Variants in SIGIRR observed in about 807,000 individuals in gnomAD.
SIGIRR encodes single Ig and TIR domain containing.
Under a neutral mutation model 45.6 loss-of-function variants are expected in SIGIRR, and 41 were observed. That is an observed-to-expected ratio of 0.90 (90% CI 0.70 to 1.17). The LOEUF (loss-of-function observed/expected upper bound fraction) is 1.17, where lower values mean the gene tolerates loss of function less well. Among genes scored for constraint, SIGIRR ranks in the 50% most tolerant of loss-of-function variants. The probability of loss-of-function intolerance (pLI) is 0.00; values close to 1 mark genes in which losing one functional copy is unlikely to be tolerated. For synonymous variants in SIGIRR, 298 were observed against 239.0 expected (o/e 1.25, Z -2.28); for missense variants, 599 against 539.6 (o/e 1.11, Z -1.09).
In SIGIRR at chr11:408,862, G is replaced by T. The variant is rs1192836789; in HGVS notation, c.39C>A (p.Ser13=). 6.2e-7 allele frequency: 1 copy of T among 1,612,744 alleles called. No individual in the cohort carries two copies. The highest frequency in any genetic ancestry group is 8.5e-7 in the Non-Finnish European group (1 of 1,179,968). The change falls in exon 3 of 10, where the codon TCC becomes TCA. Residue 13 remains serine, a synonymous_variant. Transcript: ENST00000431843. ...GVCDRAPDFL[S]PSEDQVLRPA... ...GCCTCAGCACCTGGTCTTCAGACGG[G>T]GAGAGGAAGTCAGGGGCCCTATCAC...
intron 1 of SIGIRR, among the ~76,000 whole-genome samples, chr11:413,168 C>T (rs759273038): frequency 2.6e-5 from 4 of 152,160 alleles, no homozygotes; most frequent in Non-Finnish European, 4.4e-5. Context: ...GATTCCTCCC[C>T]GCTAAGGCCC....
chr11:407,870 C>T lies in SIGIRR; in HGVS notation c.428G>A (p.Arg143His), dbSNP rs187808886. 5 of 1,612,584 alleles carry T rather than the reference C, an allele frequency of 3.1e-6. No homozygotes were observed. Among genetic ancestry groups the T allele is most frequent in the East Asian group, 2.2e-5 (1 of 44,878 alleles). ...CTGGTACCAGAGCAGCACGTTGAGA[C>T]GGCACTTGACATAGAGCAGGGCGGC... ...LLAALLYVKC[R>H]LNVLLWYQDA... Residue 143 changes from arginine to histidine, a missense_variant, in exon 5 of 10, where the codon CGT becomes CAT. Transcript: ENST00000431843.
Position 409,978 on chromosome 11 carries a change from C to T in SIGIRR, c.-104G>A, listed in dbSNP as rs1847512548. On this transcript the variant is annotated 5_prime_UTR_variant, in exon 2 of 10. Coordinates refer to ENST00000431843, the MANE Select transcript of SIGIRR (RefSeq NM_001135054.2). ...ACTGATCCAAGAGCTGGGCAGGACT[C>T]CTCTCTGTCCTTGCAGTCAGCTGGA... 8.0e-7 allele frequency: 1 copy of T among 1,249,690 alleles called. No individual in the cohort carries two copies. The highest frequency in any genetic ancestry group is 1.0e-6 in the Non-Finnish European group (1 of 995,332). 77.4% of individuals were successfully genotyped at this position (1,249,690 alleles called of 1,614,324 possible). A position where few individuals can be genotyped will look rare whatever the true frequency, so the allele number is the denominator to read the frequency against.
intron 2 of SIGIRR, 109 bp downstream of exon 2, chr11:409,759 G>C: frequency 2.5e-6 from 3 of 1,218,000 alleles, no homozygotes; most frequent in Non-Finnish European, 3.2e-6. Context: ...CCCGGCATGT[G>C]GCCAGGCAGA....
Position 407,965 on chromosome 11 carries a change from T to C in SIGIRR, c.341-8A>G. 6.2e-7 allele frequency: 1 copy of C among 1,603,832 alleles called. No individual in the cohort carries two copies. Among genetic ancestry groups the C allele is most frequent in the Non-Finnish European group, 8.5e-7 (1 of 1,174,474 alleles). ...CCACGTGGCTTGTAGGGCCTGCGGA[T>C]GGGTTGCCTGAGCCGCTGCCCCTCC... On this transcript the variant is annotated splice_region_variant and splice_polypyrimidine_tract_variant and intron_variant, in intron 4 of 9. Transcript: ENST00000431843.
chr11:409,698 G>C, intron 2 of SIGIRR, 170 bp downstream of exon 2: 1 of 652,292 alleles, frequency 1.5e-6, no homozygotes, highest in South Asian at 4.3e-5. Context: ...CACTCGCCCT[G>C]GTTTCAGGGC....
intron 2 of SIGIRR, chr11:409,269 G>A (rs1185673998): frequency 2.4e-6 from 1 of 413,278 alleles, no homozygotes; most frequent in Middle Eastern, 3.5e-4. Context: ...GAGGGGCCGG[G>A]CACTGCACCC....
At chr11:406,806 G>A (rs990885865) in intron 8 of SIGIRR, 37 bp downstream of exon 8, 65 of 1,480,384 alleles carry the variant, frequency 4.4e-5, no homozygotes, top group Non-Finnish European at 5.6e-5. Flanking sequence ...TCTCTAACCC[G>A]CCGCTAGCCC....
intron 1 of SIGIRR, 110 bp downstream of exon 1, chr11:414,713 C>G: frequency 1.3e-6 from 1 of 744,576 alleles, no homozygotes; most frequent in Non-Finnish European, 1.6e-6. Flanking sequence ...GCCCCTCGCT[C>G]TGTCTCACAC....
At position 405,840 on chromosome 11, in the gene SIGIRR, C is replaced by G; in HGVS notation, c.*56G>C. 2 of 1,528,188 alleles carry G rather than the reference C, an allele frequency of 1.3e-6. No homozygotes were observed. The highest frequency in any genetic ancestry group is 3.9e-5 in the Admixed American group (2 of 51,828). The allele number at this position is 1,528,188 out of a possible 1,614,324, so 94.7% of individuals were successfully genotyped here. ...GTTGTGGTCCTGTTGAGCAGAGGAG[C>G]GACGCCGCTGCCCTGGCCCCCGCTG... On this transcript the variant is annotated 3_prime_UTR_variant, in exon 10 of 10. Coordinates refer to ENST00000431843, the MANE Select transcript of SIGIRR (RefSeq NM_001135054.2).
chr11:417,308 T>G (rs963493415), upstream of SIGIRR: 2 of 152,162 alleles, frequency 1.3e-5, no homozygotes, highest in Non-Finnish European at 2.9e-5. This position sits in a 1 kb window ranked among gnomAD's most constrained non-coding sequence, Gnocchi z 4.2. Flanking sequence ...GCGGGTCTGA[T>G]GGCGACCGCC....
At chr11:410,383 ACTGCAGGGGGTG>A (rs1847531149) in intron 1 of SIGIRR, among the ~76,000 whole-genome samples, 1 of 152,116 alleles carries the variant, frequency 6.6e-6, no homozygotes, top group Non-Finnish European at 1.5e-5. Context: ...CAGAGCTGCC[ACTGCAGGGGGTG>A]CTGCAGTGCC....
Position 406,343 on chromosome 11 carries a change from G to A in SIGIRR, c.1069+6C>T. The A allele has an allele frequency of 1.2e-6, 2 of 1,611,824 alleles. No individual in the cohort carries two copies. Among genetic ancestry groups the A allele is most frequent in the African/African-American group, 1.3e-5 (1 of 75,042 alleles). ...CCAGTTGGGGAGTGGGGCTGGGCGG[G>A]CATACCCAGGTCGCCCTCAGGGTCC... On this transcript the variant is annotated splice_donor_region_variant and intron_variant, in intron 9 of 9. Transcript: ENST00000431843.
At chr11:413,043 G>T (rs1007499209) in intron 1 of SIGIRR, among the ~76,000 whole-genome samples, 2 of 152,110 alleles carry the variant, frequency 1.3e-5, no homozygotes, top group Non-Finnish European at 2.9e-5. Flanking sequence ...ATGCCACAGG[G>T]TCACCCTGTT....
chr11:411,434 AGG>A (rs1847617143), intron 1 of SIGIRR, among the ~76,000 whole-genome samples: 1 of 2,952 alleles, frequency 3.4e-4, no homozygotes, highest in African/African-American at 2.9e-3. Flanking sequence ...ACAGTCGGGG[AGG>A]GGGGTGCCCA....
Position 406,866 on chromosome 11 carries a change from G to T in SIGIRR, c.856C>A (p.Leu286Met), listed in dbSNP as rs1847334390. 4.4e-6 allele frequency: 7 copies of T among 1,575,500 alleles called. No homozygotes were observed. The highest frequency in any genetic ancestry group is 6.0e-6 in the Non-Finnish European group (7 of 1,167,350). The change falls in exon 8 of 10, where the codon CTG (leucine) becomes ATG (methionine). Residue 286 changes from leucine to methionine, a missense_variant. Leu to Met is a conservative substitution (Grantham distance 15). Coordinates refer to ENST00000431843, the MANE Select transcript of SIGIRR (RefSeq NM_001135054.2). ...LRQHRHLVTL[L>M]LWRPGSVTPS... ...ACCACGGAGCCGGGCCTCCAGAGCAGCAAGGTCACCAGGTGGCGGTGCTGG... is the reference window on the plus strand; with the variant it reads ...ACCACGGAGCCGGGCCTCCAGAGCATCAAGGTCACCAGGTGGCGGTGCTGG...
At chr11:415,148 G>A (rs1290809748), upstream of SIGIRR, 3 of 151,972 alleles carry the variant, frequency 2.0e-5, no homozygotes, top group Non-Finnish European at 4.4e-5. The surrounding 1 kb of genome is among the most constrained non-coding windows in gnomAD (Gnocchi z 6.6). Context: ...TGAGTCAAGC[G>A]GCTCCTTCCT....
chr11:408,002 A>G lies in SIGIRR; in HGVS notation c.341-45T>C, dbSNP rs1184161978. 10 of 1,603,798 alleles carry G rather than the reference A, an allele frequency of 6.2e-6. No homozygotes were observed. In the Admixed American group the frequency reaches 1.3e-4, roughly 22 times the overall value. On this transcript the variant is annotated intron_variant, in intron 4 of 9. Transcript: ENST00000431843. The stretch of plus-strand genomic sequence containing the variant: ...GCCGCTGCCCCTCCAGCAGCCCCCA[A>G]GCCTCAAGATCCCTGGGCCTCACTA...
chr11:408,599 G>T, intron 3 of SIGIRR, 96 bp downstream of exon 3: 1 of 1,400,902 alleles, frequency 7.1e-7, no homozygotes, highest in Non-Finnish European at 1.0e-6. Context: ...TGACATGTCT[G>T]GCCAGGTGGT....
Sources: allele counts gnomAD v4.1 joint callset (sites outside exome capture counted in the v4.1 genomes callset), GRCh38; gene constraint gnomAD v4.1.1; non-coding constraint Gnocchi (gnomAD v3.1); transcripts MANE v1.5; gene names NCBI Gene and HGNC (gene_info 2026-07-23, HGNC 2026-07-21).